The following CA5A variants were observed in gnomAD, a reference collection of about 807,000 sequenced individuals.
CA5A encodes the protein carbonic anhydrase 5A, mitochondrial.
A neutral mutation model predicts 37.1 loss-of-function variants in CA5A; 28 were observed. That is an observed-to-expected ratio of 0.75 (90% CI 0.56 to 1.03). The LOEUF (loss-of-function observed/expected upper bound fraction) is 1.03. CA5A is among the 50% of genes least tolerant of loss of function. The probability of loss-of-function intolerance (pLI) is 0.00; values close to 1 mark genes in which losing one functional copy is unlikely to be tolerated. For missense variants in CA5A, 444 were observed against 399.9 expected (o/e 1.11, Z -0.94); for synonymous variants, 171 against 158.4 (o/e 1.08, Z -0.60).
Position 87,928,760 on chromosome 16 carries a change from G to GTT in CA5A, c.143-1817_143-1816dup, listed in dbSNP as rs60994571. On this transcript the variant is annotated intron_variant, in intron 1 of 6. Coordinates refer to ENST00000649794, the MANE Select transcript of CA5A (RefSeq NM_001739.2). ...TCATCTGGATTATTTTCTTTTCTTTGTTTTTTTTTTTTTTTTTTTTTTTTT... is the reference window on the plus strand; with the variant it reads ...TCATCTGGATTATTTTCTTTTCTTTGTTTTTTTTTTTTTTTTTTTTTTTTTTT... Among the ~76,000 whole-genome samples the GTT allele has an allele frequency of 1.4e-3, 80 of 57,934 alleles. 6 individuals carry two copies. Among genetic ancestry groups the GTT allele is most frequent in the African/African-American group, 4.2e-3 (56 of 13,464 alleles). 38.0% of individuals were successfully genotyped at this position (57,934 alleles called of 152,430 possible).
chr16:87,890,237 G>A lies in CA5A; in HGVS notation c.774+1562C>T, dbSNP rs547013452. On this transcript the variant is annotated intron_variant, in intron 6 of 6. Transcript: ENST00000649794. ...GAGACGAATGCCCTGTTCCTGTACC[G>A]CCCCTCCACACCTGCCCCCCTCCCA... is the stretch of plus-strand genomic sequence containing the variant. 3.9e-5 allele frequency among the ~76,000 whole-genome samples: 6 copies of A among 152,022 alleles called. No individual in the cohort carries two copies. In the East Asian group the frequency reaches 9.7e-4, roughly 24 times the overall value.
At chr16:87,913,659 C>CG (rs2056085304) in intron 2 of CA5A, among the ~76,000 whole-genome samples, 1 of 139,662 alleles carries the variant, frequency 7.2e-6, no homozygotes, top group African/African-American at 3.0e-5. Context: ...CGTGGCCCCC[C>CG]CCTCCTCTCC....
intron 2 of CA5A, among the ~76,000 whole-genome samples, chr16:87,908,057 C>G (rs144798551): frequency 6.6e-6 from 1 of 152,158 alleles, no homozygotes; most frequent in Non-Finnish European, 1.5e-5. Context: ...AATACAGGAA[C>G]GAATGGGATT....
intron 4 of CA5A, 56 bp from the exon 5 acceptor site, chr16:87,902,030 C>T (rs1021862164): frequency 1.2e-5 from 18 of 1,454,668 alleles, no homozygotes; most frequent in African/African-American, 2.8e-5. Flanking sequence ...GGGGGGGAAG[C>T]TCACTCCACT....
chr16:87,917,758 CACA>C (rs1389342830), intron 2 of CA5A, among the ~76,000 whole-genome samples: 70 of 97,584 alleles, frequency 7.2e-4, no homozygotes, highest in Non-Finnish European at 1.0e-3. Flanking sequence ...CACATGTATA[CACA>C]GTGCACATGT....
At chr16:87,932,536 C>G (rs140398737) in intron 1 of CA5A, among the ~76,000 whole-genome samples, 1 of 152,352 alleles carries the variant, frequency 6.6e-6, no homozygotes, top group East Asian at 1.9e-4. Context: ...ACAGCCGACC[C>G]TGGTGCCCAG....
intron 6 of CA5A, among the ~76,000 whole-genome samples, chr16:87,890,594 T>A (rs1289524195): frequency 2.6e-5 from 4 of 152,002 alleles, no homozygotes; most frequent in Non-Finnish European, 5.9e-5. Flanking sequence ...CAGAAAAAAA[T>A]GATAGTATAA....
At chr16:87,901,109 T>C (rs996523093) in intron 5 of CA5A, among the ~76,000 whole-genome samples, 24 of 152,162 alleles carry the variant, frequency 1.6e-4, no homozygotes, top group African/African-American at 5.1e-4. Context: ...GCACACCTAT[T>C]GTCCCAGCCG....
intron 3 of CA5A, among the ~76,000 whole-genome samples, chr16:87,903,646 G>C (rs1199107782): frequency 6.6e-6 from 1 of 152,238 alleles, no homozygotes; most frequent in East Asian, 1.9e-4. Context: ...GTCACCTCTG[G>C]GTGTGAGATT....
intron 5 of CA5A, among the ~76,000 whole-genome samples, chr16:87,892,550 A>AATAATG (rs2055734034): frequency 7.2e-6 from 1 of 139,558 alleles, no homozygotes; most frequent in African/African-American, 2.6e-5. Context: ...TAATAATAAT[A>AATAATG]ATAATAAATT....
chr16:87,931,955 C>G (rs933599164), intron 1 of CA5A, among the ~76,000 whole-genome samples: 1 of 137,090 alleles, frequency 7.3e-6, no homozygotes, highest in Non-Finnish European at 1.6e-5. Flanking sequence ...AAGAGCCTCT[C>G]TGAGGCTGGG....
chr16:87,890,743 G>C (rs1339420323), intron 6 of CA5A, among the ~76,000 whole-genome samples: 4 of 152,106 alleles, frequency 2.6e-5, no homozygotes, highest in Non-Finnish European at 2.9e-5. Context: ...AGCCTCCCAA[G>C]TAGCTGGGAT....
At chr16:87,920,770 C>T (rs990658317) in intron 2 of CA5A, among the ~76,000 whole-genome samples, 27 of 152,030 alleles carry the variant, frequency 1.8e-4, no homozygotes, top group African/African-American at 6.3e-4. Context: ...AGGTGCTTGC[C>T]ACCATGCCCA....
intron 2 of CA5A, among the ~76,000 whole-genome samples, chr16:87,921,940 T>C (rs1232458238): frequency 6.6e-6 from 1 of 152,002 alleles, no homozygotes; most frequent in Non-Finnish European, 1.5e-5. Flanking sequence ...CAATCCCAGG[T>C]AACTGCAGCC....
At chr16:87,887,879 C>G, downstream of CA5A, 1 of 426,192 alleles carries the variant, frequency 2.3e-6, no homozygotes, top group Non-Finnish European at 4.1e-6. Context: ...TGTGGTACTT[C>G]GTTACAGTGA....
chr16:87,914,705 G>C (rs1054273831), intron 2 of CA5A, among the ~76,000 whole-genome samples: 22 of 152,256 alleles, frequency 1.4e-4, no homozygotes, highest in African/African-American at 5.3e-4. Flanking sequence ...GGAGGACGTG[G>C]GGGCGGGCGC....
At chr16:87,903,352 A>C (rs1296636154) in intron 3 of CA5A, among the ~76,000 whole-genome samples, 8 of 151,842 alleles carry the variant, frequency 5.3e-5, no homozygotes, top group African/African-American at 1.9e-4. Flanking sequence ...AATCACTTGA[A>C]CCTGGGCAGC....
At chr16:87,912,580 G>A (rs893792736) in intron 2 of CA5A, among the ~76,000 whole-genome samples, 8 of 152,242 alleles carry the variant, frequency 5.3e-5, no homozygotes, top group African/African-American at 1.9e-4. Context: ...TCAGTACAAG[G>A]GACAGAGGGA....
intron 2 of CA5A, among the ~76,000 whole-genome samples, chr16:87,917,956 G>A (rs2056177580): frequency 1.3e-5 from 2 of 152,164 alleles, no homozygotes; most frequent in South Asian, 2.1e-4. Flanking sequence ...TCAGTCCAGG[G>A]GTCGTCCTTG....
Sources: allele counts gnomAD v4.1 joint callset (sites outside exome capture counted in the v4.1 genomes callset), GRCh38; gene constraint gnomAD v4.1.1; transcripts MANE v1.5; gene names NCBI Gene and HGNC (gene_info 2026-07-23, HGNC 2026-07-21).